The following MDM1 variants were observed in gnomAD, a reference collection of about 807,000 sequenced individuals.
The protein encoded by MDM1 is Mdm1 nuclear protein.
In MDM1, 61 loss-of-function variants were observed where a neutral mutation model predicts 89.1. That is an observed-to-expected ratio of 0.68 (90% CI 0.56 to 0.85). The LOEUF (loss-of-function observed/expected upper bound fraction) is 0.85. Ranked by LOEUF, MDM1 falls within the 40% of genes least tolerant of loss-of-function variation. MDM1 has a pLI of 0.00. For missense variants in MDM1, 820 were observed against 846.5 expected, an observed-to-expected ratio of 0.97 and a Z score of 0.39; for synonymous variants, 290 against 294.1, an observed-to-expected ratio of 0.99 and a Z score of 0.14.
At chr12:68,331,703 T>C in intron 1 of MDM1, among the ~76,000 whole-genome samples, 1 of 152,188 alleles carries the variant, frequency 6.6e-6, no homozygotes, top group East Asian at 1.9e-4. Context: ...TGTGGCCACC[T>C]GTGAAGTTGC....
intron 4 of MDM1, among the ~76,000 whole-genome samples, chr12:68,324,568 T>C (rs966904228): frequency 1.3e-5 from 2 of 152,194 alleles, no homozygotes; most frequent in Non-Finnish European, 2.9e-5. Flanking sequence ...TGTTATTGTC[T>C]TGCTGAATCT....
Position 68,325,429 on chromosome 12 carries a change from C to G in MDM1, c.633+12G>C. ...AATGGTACTCAGAAATGTATTACATCCATTAAGCTACCTGATTGGCTGCAA... is the reference window on the plus strand; with the variant it reads ...AATGGTACTCAGAAATGTATTACATGCATTAAGCTACCTGATTGGCTGCAA... On this transcript the variant is annotated intron_variant, in intron 4 of 14. Coordinates refer to ENST00000682720, the MANE Select transcript of MDM1 (RefSeq NM_001354969.2). 1.3e-6 allele frequency: 2 copies of G among 1,548,386 alleles called. No individual in the cohort carries two copies. The highest frequency in any genetic ancestry group is 1.7e-6 in the Non-Finnish European group (2 of 1,149,106).
At chr12:68,327,385 C>A in intron 2 of MDM1, 1 of 1,535,256 alleles carries the variant, frequency 6.5e-7, no homozygotes, top group Non-Finnish European at 8.7e-7. Flanking sequence ...CTTAACAGAA[C>A]AATGGGCCCT....
rs372268919 is a variant in MDM1 at position 68,313,656 on chromosome 12, T to C, written c.1627A>G (p.Thr543Ala). ...GTTTGCCGATTACCAACAGCTGGAG[T>C]AGTGAGATCATGATGAGTCCTCTGG... ...GIQRTHHDLT[T>A]PAVGGAVLVS... The change falls in exon 11 of 15, where the codon ACT (threonine) becomes GCT (alanine). Residue 543 changes from threonine (T) to alanine (A), a missense_variant. Thr to Ala is a moderately conservative substitution (Grantham distance 58, BLOSUM62 0). Transcript: ENST00000682720. 7.0e-5 allele frequency: 113 copies of C among 1,613,544 alleles called. No homozygotes were observed. Among genetic ancestry groups the C allele is most frequent in the Non-Finnish European group, 9.3e-5 (110 of 1,179,748 alleles).
intron 12 of MDM1, among the ~76,000 whole-genome samples, chr12:68,303,239 A>G (rs1298984073): frequency 6.6e-6 from 1 of 152,212 alleles, no homozygotes; most frequent in Non-Finnish European, 1.5e-5. Context: ...CACACAAATC[A>G]CAAACAGCAA....
At chr12:68,309,473 G>C (rs189416193) in intron 12 of MDM1, among the ~76,000 whole-genome samples, 5 of 152,174 alleles carry the variant, frequency 3.3e-5, no homozygotes, top group African/African-American at 1.2e-4. Context: ...TTTTTGGTGT[G>C]ATTAACATGT....
In MDM1 at chr12:68,326,881, G is replaced by C; in HGVS notation, c.274C>G (p.Pro92Ala). The change falls in exon 3 of 15, where the codon CCA (proline) becomes GCA (alanine). Residue 92 changes from proline (P) to alanine (A), a missense_variant. By Grantham distance (27) the Pro-to-Ala change is conservative (BLOSUM62 -1). Transcript: ENST00000682720. ...TTTTGTTCTGCTTCTTGTGATTTTG[G>C]TGTTTCCGGGGCTTCTGGTTCTGGT... is the stretch of plus-strand genomic sequence containing the variant. Reference protein sequence around the residue: ...ASPEPEAPETPKSQEAEQKDV... With the variant: ...ASPEPEAPETAKSQEAEQKDV... 5.6e-6 allele frequency: 9 copies of C among 1,613,904 alleles called. No homozygotes were observed. Among genetic ancestry groups the C allele is most frequent in the Admixed American group, 1.7e-5 (1 of 60,022 alleles).
intron 4 of MDM1, 97 bp from the exon 5 acceptor site, chr12:68,323,337 C>CA: frequency 3.6e-6 from 3 of 832,626 alleles, no homozygotes; most frequent in Non-Finnish European, 5.5e-6. Context: ...AATTACAGGA[C>CA]AAAAAAATAG....
chr12:68,327,094 G>C, intron 2 of MDM1, 73 bp from the exon 3 acceptor site: 7 of 1,494,280 alleles, frequency 4.7e-6, no homozygotes, highest in Non-Finnish European at 6.2e-6. Context: ...AAGAACACTT[G>C]TGGAGGAGAA....
chr12:68,316,433 A>G, intron 8 of MDM1, 148 bp downstream of exon 8: 2 of 932,026 alleles, frequency 2.1e-6, no homozygotes, highest in Non-Finnish European at 3.2e-6. Context: ...AATCAAGCTA[A>G]AGCATGATGC....
chr12:68,327,203 A>C (rs1876131612), intron 2 of MDM1, 182 bp from the exon 3 acceptor site: 1 of 1,397,672 alleles, frequency 7.2e-7, no homozygotes, highest in Non-Finnish European at 9.3e-7. Flanking sequence ...AACATAAAAT[A>C]TTTAATTTTG....
intron 12 of MDM1, among the ~76,000 whole-genome samples, chr12:68,310,159 C>T (rs1592961793): frequency 6.6e-6 from 1 of 152,304 alleles, no homozygotes; most frequent in East Asian, 1.9e-4. Flanking sequence ...TTAGTAGGGA[C>T]AAGATTTCCC....
intron 10 of MDM1, among the ~76,000 whole-genome samples, chr12:68,314,060 C>T (rs1258061956): frequency 2.0e-5 from 3 of 149,444 alleles, no homozygotes; most frequent in African/African-American, 4.9e-5. Context: ...TGGCGTGAAC[C>T]CAGAAGGCGG....
rs1872347977 is a variant in MDM1 at position 68,302,732 on chromosome 12, T to C, written c.1890A>G (p.Lys630=). The change falls in exon 13 of 15, where the codon AAA becomes AAG. Residue 630 remains lysine (K), a synonymous_variant. Coordinates refer to ENST00000682720, the MANE Select transcript of MDM1 (RefSeq NM_001354969.2). ...ACTGTCCAGGGGGATTTGTTGGGTATTTTGGAATTTTTGAAACTGGAAGAG... is the reference window on the plus strand; with the variant it reads ...ACTGTCCAGGGGGATTTGTTGGGTACTTTGGAATTTTTGAAACTGGAAGAG... ...EATLPVSKIP[K]YPTNPPGQLP... 2 of 1,614,084 alleles carry C rather than the reference T, an allele frequency of 1.2e-6. No homozygotes were observed. The highest frequency in any genetic ancestry group is 1.7e-6 in the Non-Finnish European group (2 of 1,179,990).
chr12:68,332,276 G>A lies in MDM1; in HGVS notation c.-31C>T, dbSNP rs1220028568. ...CCGGCGCCGGAGCCCCCGCTACTCC[G>A]ACAGTTAACTGGAGAAAAAGCTCCG... On this transcript the variant is annotated 5_prime_UTR_variant, in exon 1 of 15. Coordinates refer to ENST00000682720, the MANE Select transcript of MDM1 (RefSeq NM_001354969.2). The A allele has an allele frequency of 1.9e-6, 3 of 1,579,824 alleles. No individual in the cohort carries two copies. The highest frequency in any genetic ancestry group is 1.7e-6 in the Non-Finnish European group (2 of 1,163,756).
rs776788928 is a variant in MDM1, at chr12:68,313,725, CT to C, written c.1557del (p.Gly520GlufsTer9). Reference sequence around the variant, plus strand: ...AGCTTGGGAGTAGGAAGCCGGCCTCCTTTTTCTGAGGATACAGAAGAATCTG... The same window carrying C: ...AGCTTGGGAGTAGGAAGCCGGCCTCCTTTTCTGAGGATACAGAAGAATCTG... Reference protein sequence around the residue: ...EGSDSSVSSEKGGRLPTPKLR... With the variant: ...EGSDSSVSSEXGGRLPTPKLR... On this transcript the variant is annotated frameshift_variant, in exon 11 of 15. Transcript: ENST00000682720. LOFTEE classifies it high-confidence loss of function. 4.3e-5 allele frequency: 70 copies of C among 1,613,956 alleles called. No homozygotes were observed. The highest frequency in any genetic ancestry group is 5.7e-5 in the Non-Finnish European group (67 of 1,179,938).
At chr12:68,315,666 C>A (rs1356629495) in intron 9 of MDM1, among the ~76,000 whole-genome samples, 1 of 152,182 alleles carries the variant, frequency 6.6e-6, no homozygotes, top group Non-Finnish European at 1.5e-5. Context: ...GCAGAGCGCT[C>A]TTCCATAAAA....
intron 3 of MDM1, chr12:68,326,262 T>C (rs991716382): frequency 6.8e-6 from 8 of 1,178,902 alleles, no homozygotes; most frequent in Non-Finnish European, 8.4e-6. Flanking sequence ...GAATTTCTGT[T>C]TGTCTTCTTG....
chr12:68,307,707 G>A (rs1357970960), intron 12 of MDM1, among the ~76,000 whole-genome samples: 1 of 152,086 alleles, frequency 6.6e-6, no homozygotes, highest in Non-Finnish European at 1.5e-5. Context: ...GGAGGCCGAT[G>A]CAGGTGGATC....
Sources: allele counts gnomAD v4.1 joint callset (sites outside exome capture counted in the v4.1 genomes callset), GRCh38; gene constraint gnomAD v4.1.1; transcripts MANE v1.5; gene names NCBI Gene and HGNC (gene_info 2026-07-23, HGNC 2026-07-21).